The following MCPH1 variants were observed in gnomAD, a reference collection of about 807,000 sequenced individuals.
MCPH1 encodes the protein microcephalin 1.
In MCPH1, 104 loss-of-function variants were observed where a neutral mutation model predicts 84.5. That is an observed-to-expected ratio of 1.23 (90% CI 1.05 to 1.45). The LOEUF (loss-of-function observed/expected upper bound fraction) is 1.45, where lower values mean the gene tolerates loss of function less well. MCPH1 is among the 40% of genes most tolerant of loss of function. The pLI is 0.00. For synonymous variants in MCPH1, 514 were observed against 366.8 expected (o/e 1.40, Z -4.58); for missense variants, 1,498 against 1,005.7 (o/e 1.49, Z -6.62).
intron 11 of MCPH1, among the ~76,000 whole-genome samples, chr8:6,481,968 C>T (rs1251818325): frequency 6.6e-6 from 1 of 152,176 alleles, no homozygotes; most frequent in African/African-American, 2.4e-5. Context: ...TTCTGACTAG[C>T]ATGAAGAAAT....
Position 6,438,831 on chromosome 8 carries a change from G to A in MCPH1, c.437-122G>A, listed in dbSNP as rs942516827. The A allele has an allele frequency of 5.0e-6, 4 of 807,802 alleles. No homozygotes were observed. The African/African-American group carries it at 5.0e-5, about 10-fold the overall frequency. 50.0% of individuals were successfully genotyped at this position (807,802 alleles called of 1,614,324 possible). A position where few individuals can be genotyped will look rare whatever the true frequency, so the allele number is the denominator to read the frequency against. On this transcript the variant is annotated intron_variant, in intron 5 of 13. Coordinates refer to ENST00000344683, the MANE Select transcript of MCPH1 (RefSeq NM_024596.5). The stretch of plus-strand genomic sequence containing the variant: ...GGAGGTAGAATATTAGCAGGAGTAG[G>A]TAATGATGTTGAAAGGGAAGAAGGA...
chr8:6,431,349 T>G, intron 3 of MCPH1, 150 bp from the exon 4 acceptor site: 1 of 631,896 alleles, frequency 1.6e-6, no homozygotes, highest in Non-Finnish European at 2.8e-6. Context: ...TACTGACTTT[T>G]GTATTTGCAG....
chr8:6,611,887 G>A (rs1830309426), intron 12 of MCPH1, among the ~76,000 whole-genome samples: 1 of 152,166 alleles, frequency 6.6e-6, no homozygotes, highest in Admixed American at 6.5e-5. Flanking sequence ...CAAAGTGCTG[G>A]GATTACAGGC....
chr8:6,591,692 A>G (rs1030661844), intron 12 of MCPH1, among the ~76,000 whole-genome samples: 2 of 152,114 alleles, frequency 1.3e-5, no homozygotes, highest in African/African-American at 4.8e-5. Context: ...CTTCAGTGTT[A>G]TTGGTAAAGT....
chr8:6,443,397 T>G (rs1442482389), intron 7 of MCPH1, among the ~76,000 whole-genome samples: 1 of 147,772 alleles, frequency 6.8e-6, no homozygotes, highest in Non-Finnish European at 1.5e-5. Context: ...TGAAGACACC[T>G]GGGGCACAGT....
At chr8:6,424,038 C>A (rs1478792247) in intron 3 of MCPH1, among the ~76,000 whole-genome samples, 1 of 152,116 alleles carries the variant, frequency 6.6e-6, no homozygotes, top group Non-Finnish European at 1.5e-5. Context: ...AATGCAGTAG[C>A]TCATGGTTTC....
chr8:6,535,530 C>T (rs1820322610), intron 12 of MCPH1, among the ~76,000 whole-genome samples: 1 of 152,102 alleles, frequency 6.6e-6, no homozygotes, highest in Non-Finnish European at 1.5e-5. Context: ...GTTAATCTTA[C>T]ATAAAAGCAG....
At chr8:6,435,968 A>C (rs1802581843) in intron 4 of MCPH1, 80 bp from the exon 5 acceptor site, 1 of 1,547,542 alleles carries the variant, frequency 6.5e-7, no homozygotes, top group African/African-American at 1.4e-5. Context: ...AAAAGGTATC[A>C]GAAATGTATG....
chr8:6,480,915 C>T, intron 11 of MCPH1, 39 bp downstream of exon 11: 1 of 1,608,436 alleles, frequency 6.2e-7, no homozygotes, highest in South Asian at 1.1e-5. Flanking sequence ...TAAAACAAGG[C>T]ATTTTGATAG....
chr8:6,578,241 T>C (rs940251484), intron 12 of MCPH1, among the ~76,000 whole-genome samples: 1 of 152,192 alleles, frequency 6.6e-6, no homozygotes, highest in Non-Finnish European at 1.5e-5. Flanking sequence ...CCCAAACTGG[T>C]ATTTCTAGTA....
At chr8:6,446,313 G>C (rs1460351579) in intron 8 of MCPH1, 1 of 985,076 alleles carries the variant, frequency 1.0e-6, no homozygotes, top group Non-Finnish European at 1.2e-6. Context: ...TTTACCTAAA[G>C]ATTAGGTTAA....
chr8:6,455,013 A>T (rs1484880458), intron 8 of MCPH1, 130 bp from the exon 9 acceptor site: 5 of 726,962 alleles, frequency 6.9e-6, no homozygotes, highest in Non-Finnish European at 1.2e-5. Context: ...AAAGAGCCAG[A>T]TATATACAAT....
intron 13 of MCPH1, chr8:6,626,213 A>G: frequency 1.0e-6 from 1 of 985,394 alleles, no homozygotes; most frequent in African/African-American, 1.7e-5. Flanking sequence ...TTGCTGGCAT[A>G]GAACAGGGAG....
chr8:6,466,692 G>C (rs1413670261), intron 9 of MCPH1, among the ~76,000 whole-genome samples: 1 of 151,916 alleles, frequency 6.6e-6, no homozygotes, highest in Non-Finnish European at 1.5e-5. Flanking sequence ...TCTCACCTCG[G>C]CCTGTCAAAG....
At chr8:6,479,012 C>T (rs180796954) in intron 10 of MCPH1, among the ~76,000 whole-genome samples, 1 of 152,188 alleles carries the variant, frequency 6.6e-6, no homozygotes, top group South Asian at 2.1e-4. Context: ...CGGCTATAAT[C>T]CCAGCACTTT....
intron 13 of MCPH1, chr8:6,627,318 G>T: frequency 1.2e-5 from 12 of 983,168 alleles, no homozygotes; most frequent in Non-Finnish European, 1.4e-5. Flanking sequence ...AAGCTGTGGA[G>T]AGTGGCAGAG....
At chr8:6,434,997 C>A (rs1174374220) in intron 4 of MCPH1, among the ~76,000 whole-genome samples, 2 of 152,176 alleles carry the variant, frequency 1.3e-5, no homozygotes, top group East Asian at 3.9e-4. Flanking sequence ...AGGCTGGGAA[C>A]GTGAGGTGTG....
intron 12 of MCPH1, among the ~76,000 whole-genome samples, chr8:6,579,602 TTTG>T (rs150412993): frequency 3.3e-4 from 50 of 152,244 alleles, no homozygotes; most frequent in Admixed American, 1.3e-3. Flanking sequence ...TGCTCATGCT[TTTG>T]TTGTTGTTGT....
intron 6 of MCPH1, among the ~76,000 whole-genome samples, chr8:6,440,301 G>A (rs571216302): frequency 6.6e-6 from 1 of 151,902 alleles, no homozygotes; most frequent in South Asian, 2.1e-4. Flanking sequence ...TTCCCACCCC[G>A]ACTTTTTACT....
Sources: allele counts gnomAD v4.1 joint callset (sites outside exome capture counted in the v4.1 genomes callset), GRCh38; gene constraint gnomAD v4.1.1; transcripts MANE v1.5; gene names NCBI Gene and HGNC (gene_info 2026-07-23, HGNC 2026-07-21).